Variants in MYH15 observed in about 807,000 individuals in gnomAD.
MYH15 encodes the protein myosin-15.
Under a neutral mutation model 240.5 loss-of-function variants are expected in MYH15, and 227 were observed. That is an observed-to-expected ratio of 0.94 (90% CI 0.85 to 1.05). The LOEUF is 1.05. MYH15 is among the 50% of genes least tolerant of loss of function. The pLI, the probability that MYH15 is intolerant of heterozygous loss-of-function variation, is 0.00. For missense variants in MYH15, 2,217 were observed against 2,247.5 expected (o/e 0.99, Z 0.27); for synonymous variants, 785 against 796.7 (o/e 0.99, Z 0.25).
chr3:108,543,158 C>T, the MYH15 span, among the ~76,000 whole-genome samples: 5 of 152,170 alleles, frequency 3.3e-5, no homozygotes, highest in Admixed American at 1.3e-4. Context: ...GGGTTACAGG[C>T]GTGAGCCACC....
upstream of MYH15, among the ~76,000 whole-genome samples, chr3:108,530,421 C>A: frequency 6.6e-6 from 1 of 152,022 alleles, no homozygotes; most frequent in East Asian, 1.9e-4. Flanking sequence ...CAGTGATTTC[C>A]AGGGAGTTGT....
chr3:108,465,569 G>T (rs2083108189), intron 14 of MYH15, among the ~76,000 whole-genome samples: 2 of 152,152 alleles, frequency 1.3e-5, no homozygotes, highest in African/African-American at 4.8e-5. Flanking sequence ...GGGCTCATGG[G>T]CTCAGTCCTG....
At chr3:108,421,285 G>C in intron 27 of MYH15, 71 bp from the exon 28 acceptor site, 2 of 1,553,944 alleles carry the variant, frequency 1.3e-6, no homozygotes, top group Non-Finnish European at 1.7e-6. Context: ...CAAAGGAAGA[G>C]GGGAGGAGTG....
upstream of MYH15, among the ~76,000 whole-genome samples, chr3:108,529,978 A>G (rs1202104667): frequency 6.6e-6 from 1 of 152,202 alleles, no homozygotes; most frequent in East Asian, 1.9e-4. Flanking sequence ...TCAGTAGTGT[A>G]GTGATCTGTG....
At chr3:108,417,527 A>G (rs1007533298) in intron 28 of MYH15, among the ~76,000 whole-genome samples, 22 of 152,338 alleles carry the variant, frequency 1.4e-4, no homozygotes, top group Non-Finnish European at 3.1e-4. Flanking sequence ...TAGTGTGAAT[A>G]TATTTTATAG....
In MYH15 at chr3:108,498,106, A is replaced by G. The variant is rs778984050; in HGVS notation, c.564T>C (p.His188=). 17 of 1,613,992 alleles carry G rather than the reference A, an allele frequency of 1.1e-5. No homozygotes were observed. Among genetic ancestry groups the G allele is most frequent in the Non-Finnish European group, 1.4e-5 (17 of 1,179,992 alleles). The stretch of plus-strand genomic sequence containing the variant: ...CTATGGTGGCAAAATACTGGATAAT[A>G]TGTTTGCTGTTCACAGTCTTTCCAG... ...SGAGKTVNSK[H]IIQYFATIAA... The change falls in exon 6 of 41, where the codon CAT becomes CAC. Residue 188 remains histidine, a synonymous_variant. Transcript: ENST00000693548.
At chr3:108,451,420 A>G (rs1032043820) in intron 21 of MYH15, among the ~76,000 whole-genome samples, 3 of 152,114 alleles carry the variant, frequency 2.0e-5, no homozygotes, top group Admixed American at 2.0e-4. Flanking sequence ...AAAATTGATC[A>G]AATTGAAAAA....
chr3:108,495,464 T>G (rs529056443), intron 7 of MYH15, among the ~76,000 whole-genome samples: 2 of 152,184 alleles, frequency 1.3e-5, no homozygotes, highest in Non-Finnish European at 2.9e-5. Context: ...ATGTAAAACA[T>G]AATAAAATAT....
intron 9 of MYH15, among the ~76,000 whole-genome samples, chr3:108,491,473 A>G (rs183969808): frequency 9.2e-5 from 14 of 152,022 alleles, no homozygotes; most frequent in African/African-American, 3.4e-4. Context: ...ACTCTTCCTC[A>G]TTCTTACATT....
chr3:108,498,542 C>G (rs1249125961), intron 5 of MYH15, among the ~76,000 whole-genome samples: 3 of 152,184 alleles, frequency 2.0e-5, no homozygotes, highest in Non-Finnish European at 4.4e-5. Context: ...AAGAGGGCTA[C>G]CAATCACTTC....
At chr3:108,517,693 C>T (rs972969331) in intron 1 of MYH15, among the ~76,000 whole-genome samples, 2 of 152,076 alleles carry the variant, frequency 1.3e-5, no homozygotes, top group Non-Finnish European at 2.9e-5. Flanking sequence ...GTCTTGAACT[C>T]CTGACCTCAA....
the MYH15 span, among the ~76,000 whole-genome samples, chr3:108,544,633 T>G: frequency 1.3e-5 from 2 of 152,214 alleles, no homozygotes; most frequent in Non-Finnish European, 2.9e-5. Context: ...CCTTGCTTAT[T>G]GTTCTCTCAA....
At chr3:108,507,165 T>G (rs2107247532) in intron 1 of MYH15, among the ~76,000 whole-genome samples, 1 of 144,832 alleles carries the variant, frequency 6.9e-6, no homozygotes, top group South Asian at 2.2e-4. Context: ...AAGCATATTA[T>G]ATATATGTGT....
chr3:108,472,905 T>G (rs2083188770), intron 12 of MYH15, among the ~76,000 whole-genome samples: 1 of 152,202 alleles, frequency 6.6e-6, no homozygotes, highest in Non-Finnish European at 1.5e-5. Context: ...ACCCATTTCT[T>G]AGCTCTTTTT....
the MYH15 span, chr3:108,543,581 G>A: frequency 6.6e-6 from 1 of 152,264 alleles, no homozygotes; most frequent in African/African-American, 2.4e-5. Flanking sequence ...TTGTTCTAAT[G>A]TCTCCTTGGA....
intron 10 of MYH15, 29 bp from the exon 11 acceptor site, chr3:108,485,258 C>T: frequency 6.2e-7 from 1 of 1,612,450 alleles, no homozygotes; most frequent in Non-Finnish European, 8.5e-7. Flanking sequence ...ATGGCCCTGT[C>T]TTCATTTGCT....
At chr3:108,535,040 T>C in the MYH15 span, among the ~76,000 whole-genome samples, 2 of 152,070 alleles carry the variant, frequency 1.3e-5, no homozygotes, top group African/African-American at 4.8e-5. Context: ...CCAACTGGGG[T>C]CTATTATCTC....
chr3:108,497,539 A>AT (rs540031988), intron 6 of MYH15, among the ~76,000 whole-genome samples: 23 of 150,078 alleles, frequency 1.5e-4, no homozygotes, highest in East Asian at 1.2e-3. Context: ...ATGAACAAGG[A>AT]TTTTTTTTTT....
chr3:108,398,318 A>G (rs559546182), intron 35 of MYH15, among the ~76,000 whole-genome samples: 3 of 152,162 alleles, frequency 2.0e-5, no homozygotes, highest in Non-Finnish European at 2.9e-5. Context: ...GAAACTAGGA[A>G]GGGGCAAGGA....
Sources: allele counts gnomAD v4.1 joint callset (sites outside exome capture counted in the v4.1 genomes callset), GRCh38; gene constraint gnomAD v4.1.1; transcripts MANE v1.5; gene names NCBI Gene and HGNC (gene_info 2026-07-23, HGNC 2026-07-21).